The following MON1A variants were observed in gnomAD, a reference collection of about 807,000 sequenced individuals.
The protein encoded by MON1A is MON1 vesicular trafficking associated A, also known as vacuolar fusion protein MON1 homolog A.
In MON1A, 29 loss-of-function variants were observed where a neutral mutation model predicts 44.6. The ratio of observed to expected loss-of-function variants is 0.65; its 90% CI spans 0.48 to 0.89. The LOEUF is 0.89. MON1A is among the 40% of genes least tolerant of loss of function. The probability of loss-of-function intolerance (pLI) is 0.00; values close to 1 mark genes in which losing one functional copy is unlikely to be tolerated. For synonymous variants in MON1A, 275 were observed against 316.4 expected (o/e 0.87, Z 1.39); for missense variants, 615 against 759.6 (o/e 0.81, Z 2.24).
chr3:49,920,930 A>G (rs373912028), intron 1 of MON1A, among the ~76,000 whole-genome samples: 35 of 151,906 alleles, frequency 2.3e-4, no homozygotes, highest in Admixed American at 4.6e-4. Context: ...GGCCAAAGCA[A>G]GCAGATTACT....
intron 1 of MON1A, among the ~76,000 whole-genome samples, chr3:49,923,183 T>C (rs2083017529): frequency 6.6e-6 from 1 of 150,824 alleles, no homozygotes; most frequent in Non-Finnish European, 1.5e-5. Context: ...CTATGAAAAA[T>C]ACAAAAAATT....
Position 49,908,934 on chromosome 3 carries a change from G to C in MON1A, c.*80C>G, listed in dbSNP as rs1051824903. The C allele has an allele frequency of 6.7e-7, 1 of 1,496,072 alleles. No individual in the cohort carries two copies. The highest frequency in any genetic ancestry group is 9.0e-7 in the Non-Finnish European group (1 of 1,113,346). The allele number at this position is 1,496,072 out of a possible 1,614,324, so 92.7% of individuals were successfully genotyped here. ...GTCCCTGCCCGCTGGCTGGGCAAGA[G>C]AGGCCAGCCCCCATCTGGAGGCTCC... On this transcript the variant is annotated 3_prime_UTR_variant, in exon 6 of 6. Transcript: ENST00000296473.
rs2083048220 is a variant in MON1A, at chr3:49,925,979, A to G, written c.-14+3630T>C. On this transcript the variant is annotated intron_variant, in intron 1 of 5. Transcript: ENST00000296473. ...TCCCTGCATAATCTGTGCTTCTTAC[A>G]GCAAAGTGATTCTCTTGATACAGAA... Among the ~76,000 whole-genome samples the G allele has an allele frequency of 1.3e-5, 2 of 152,126 alleles. 1 individual carries two copies. Among genetic ancestry groups the G allele is most frequent in the South Asian group, 4.1e-4 (2 of 4,820 alleles).
At chr3:49,912,393 T>G in intron 2 of MON1A, 1 of 190,748 alleles carries the variant, frequency 5.2e-6, no homozygotes. Flanking sequence ...GTCTCCTACC[T>G]CCCCAAGAGG....
chr3:49,912,116 G>A (rs1028909344), intron 2 of MON1A, 105 bp from the exon 3 acceptor site: 7 of 1,369,026 alleles, frequency 5.1e-6, no homozygotes, highest in Non-Finnish European at 6.9e-6. Context: ...TGTCTTGTTA[G>A]GATCAAGCCA....
chr3:49,923,578 C>T (rs1035691409), intron 1 of MON1A, among the ~76,000 whole-genome samples: 2 of 150,442 alleles, frequency 1.3e-5, no homozygotes, highest in African/African-American at 2.4e-5. Flanking sequence ...CTCAGCCTCC[C>T]GAGTAGCTGG....
At chr3:49,929,578 T>TCCAGG in intron 1 of MON1A, 31 bp downstream of exon 1, 1 of 1,551,088 alleles carries the variant, frequency 6.4e-7, no homozygotes, top group Middle Eastern at 1.7e-4. Context: ...TCTAGGTGCC[T>TCCAGG]CCAGGCCACG....
chr3:49,918,474 C>T (rs905684114), intron 1 of MON1A, among the ~76,000 whole-genome samples: 4 of 151,496 alleles, frequency 2.6e-5, no homozygotes, highest in African/African-American at 9.7e-5. Context: ...TGCAGGAGCA[C>T]GATCTTGGCT....
chr3:49,927,856 G>A (rs1303073561), intron 1 of MON1A, among the ~76,000 whole-genome samples: 7 of 151,372 alleles, frequency 4.6e-5, no homozygotes, highest in Non-Finnish European at 1.0e-4. Context: ...AGCTGATATC[G>A]CGCCATTGCA....
rs545502301 is a variant in MON1A, at chr3:49,910,936, G to C, written c.614-52C>G. ...GTCAGCCTCAGCGGCAGCTCCCTCC[G>C]AAAACCGCCTTCCAGCGCAGCTCTT... On this transcript the variant is annotated intron_variant, in intron 3 of 5. Transcript: ENST00000296473. The surrounding 1 kb of genome is among the most constrained non-coding windows in gnomAD (Gnocchi z 8.0). 2 of 1,526,482 alleles carry C rather than the reference G, an allele frequency of 1.3e-6. No individual in the cohort carries two copies. Among genetic ancestry groups the C allele is most frequent in the Admixed American group, 2.0e-5 (1 of 50,154 alleles). The allele number at this position is 1,526,482 out of a possible 1,614,324, so 94.6% of individuals were successfully genotyped here. A position where few individuals can be genotyped will look rare whatever the true frequency, so the allele number is the denominator to read the frequency against.
Position 49,911,539 on chromosome 3 carries a change from G to A in MON1A, c.600C>T (p.Arg200=), listed in dbSNP as rs762292518. ...CAGGTGGCTCACCTGCATGGATGGA[G>A]CGGATGGCGTTCTTGTCTGCCTCCA... ...SFLEADKNAI[R]SIHADGYKVV... is the part of the protein sequence containing the mutation. Residue 200 remains arginine, a synonymous_variant, in exon 3 of 6, where the codon CGC becomes CGT. Transcript: ENST00000296473. This position sits in a 1 kb window ranked among gnomAD's most constrained non-coding sequence, Gnocchi z 5.7. The A allele has an allele frequency of 6.2e-7, 1 of 1,610,588 alleles. No homozygotes were observed. The highest frequency in any genetic ancestry group is 1.7e-5 in the Admixed American group (1 of 59,884).
chr3:49,910,123 TG>T lies in MON1A; in HGVS notation c.1374del (p.Phe458LeufsTer53). ...FLYKSKSSGL[F>X]TSPEIEAPYT... ...GCCCTCAAGGCCCTCCCTCACCTGG[TG>T]AAGAGTCCCGAGCTCTTTGACTTAT... On this transcript the variant is annotated frameshift_variant, in exon 4 of 6. Coordinates refer to ENST00000296473, the MANE Select transcript of MON1A (RefSeq NM_032355.4). LOFTEE classifies it high-confidence loss of function. The surrounding 1 kb of genome is among the most constrained non-coding windows in gnomAD (Gnocchi z 8.0). 6.3e-7 allele frequency: 1 copy of T among 1,589,622 alleles called. No individual in the cohort carries two copies. Among genetic ancestry groups the T allele is most frequent in the East Asian group, 2.2e-5 (1 of 44,462 alleles).
chr3:49,913,221 T>G lies in MON1A; in HGVS notation c.126A>C (p.Pro42=). 1 of 1,614,234 alleles carries G rather than the reference T, an allele frequency of 6.2e-7. No homozygotes were observed. The highest frequency in any genetic ancestry group is 8.5e-7 in the Non-Finnish European group (1 of 1,180,038). Residue 42 remains proline, a splice_region_variant and synonymous_variant, in exon 2 of 6, where the codon CCA becomes CCC. Coordinates refer to ENST00000296473, the MANE Select transcript of MON1A (RefSeq NM_032355.4). ...PTPGMAQGME[P]GAGQEGAMFV... ...CTGAGGCTGTACACTTGCCCATACCTGGCTCCATTCCCTGGGCCATTCCTG... is the reference window on the plus strand; with the variant it reads ...CTGAGGCTGTACACTTGCCCATACCGGGCTCCATTCCCTGGGCCATTCCTG...
At chr3:49,915,445 C>T (rs757961831) in intron 1 of MON1A, among the ~76,000 whole-genome samples, 18 of 152,200 alleles carry the variant, frequency 1.2e-4, no homozygotes, top group Non-Finnish European at 2.5e-4. Context: ...GAGAGGATCA[C>T]ATAAACCCAG....
intron 1 of MON1A, among the ~76,000 whole-genome samples, chr3:49,913,658 G>GTTTTTTTTTTTTTTTTT (rs1559493127): frequency 6.6e-4 from 80 of 121,438 alleles, no homozygotes; most frequent in African/African-American, 2.2e-3. Flanking sequence ...TTTCCTTCTA[G>GTTTTTTTTTTTTTTTTT]TATTTTTTTT....
At chr3:49,917,442 C>T (rs900413859) in intron 1 of MON1A, among the ~76,000 whole-genome samples, 10 of 152,058 alleles carry the variant, frequency 6.6e-5, no homozygotes, top group Non-Finnish European at 1.2e-4. Flanking sequence ...CCCGCCACCA[C>T]GCCCAGCTAA....
intron 1 of MON1A, among the ~76,000 whole-genome samples, chr3:49,928,226 G>A (rs1165375613): frequency 6.6e-6 from 1 of 152,114 alleles, no homozygotes; most frequent in Non-Finnish European, 1.5e-5. Flanking sequence ...GGTCAGTCTG[G>A]GGTCCAGCCA....
At chr3:49,929,028 T>C (rs767743070) in intron 1 of MON1A, among the ~76,000 whole-genome samples, 1 of 152,084 alleles carries the variant, frequency 6.6e-6, no homozygotes, top group Non-Finnish European at 1.5e-5. Flanking sequence ...CTGGCCAACA[T>C]GGTGAAACCC....
intron 1 of MON1A, among the ~76,000 whole-genome samples, chr3:49,921,829 C>T (rs2082999277): frequency 6.6e-6 from 1 of 151,456 alleles, no homozygotes; most frequent in African/African-American, 2.4e-5. Flanking sequence ...CCAGAGTTTT[C>T]ACCATCTCAG....
Sources: allele counts gnomAD v4.1 joint callset (sites outside exome capture counted in the v4.1 genomes callset), GRCh38; gene constraint gnomAD v4.1.1; non-coding constraint Gnocchi (gnomAD v3.1); transcripts MANE v1.5; gene names NCBI Gene and HGNC (gene_info 2026-07-23, HGNC 2026-07-21).